The following LHFPL3 variants were observed in gnomAD, a reference collection of about 807,000 sequenced individuals.
LHFPL3 encodes LHFPL tetraspan subfamily member 3 protein.
In LHFPL3, 5 loss-of-function variants were observed where a neutral mutation model predicts 19.3. The observed-to-expected ratio is 0.26, with a 90% CI of 0.14 to 0.54. The LOEUF (loss-of-function observed/expected upper bound fraction) is 0.54, where lower values mean the gene tolerates loss of function less well. Ranked by LOEUF, LHFPL3 falls within the 20% of genes least tolerant of loss-of-function variation. The pLI is 0.94. For missense variants in LHFPL3, 249 were observed against 307.4 expected, an observed-to-expected ratio of 0.81 and a Z score of 1.42; for synonymous variants, 133 against 126.2, an observed-to-expected ratio of 1.05 and a Z score of -0.36.
intron 1 of LHFPL3, among the ~76,000 whole-genome samples, chr7:104,517,506 C>CTTTT (rs34506009): frequency 2.3e-5 from 3 of 129,380 alleles, no homozygotes; most frequent in African/African-American, 5.8e-5. Flanking sequence ...ATTGATTGGC[C>CTTTT]TTTTTTTTTT....
intron 1 of LHFPL3, among the ~76,000 whole-genome samples, chr7:104,689,815 T>G (rs1274752358): frequency 6.6e-6 from 1 of 152,140 alleles, no homozygotes. Flanking sequence ...AAGTTTTAGC[T>G]CAGGTCCAAC....
At chr7:104,724,303 T>G (rs1050093958) in intron 1 of LHFPL3, among the ~76,000 whole-genome samples, 1 of 152,170 alleles carries the variant, frequency 6.6e-6, no homozygotes, top group African/African-American at 2.4e-5. Flanking sequence ...TACTAAGCTT[T>G]TGGGGCGTTA....
chr7:104,403,457 A>G (rs1365609490), intron 1 of LHFPL3, among the ~76,000 whole-genome samples: 1 of 152,220 alleles, frequency 6.6e-6, no homozygotes, highest in African/African-American at 2.4e-5. Flanking sequence ...CACTGTGTAC[A>G]TAGTAGGCAC....
intron 1 of LHFPL3, among the ~76,000 whole-genome samples, chr7:104,549,936 C>A (rs1164284141): frequency 6.6e-6 from 1 of 152,214 alleles, no homozygotes; most frequent in Non-Finnish European, 1.5e-5. Context: ...TTAGTCAGGG[C>A]TCTCTAGAGG....
At chr7:104,480,127 C>CTTTGGAGGA (rs1268172213) in intron 1 of LHFPL3, among the ~76,000 whole-genome samples, 4 of 152,152 alleles carry the variant, frequency 2.6e-5, no homozygotes, top group Non-Finnish European at 4.4e-5. Flanking sequence ...TAGATCAGGA[C>CTTTGGAGGA]TTTGGAGGAA....
At chr7:104,719,807 AG>A (rs1346776789) in intron 1 of LHFPL3, among the ~76,000 whole-genome samples, 1 of 152,186 alleles carries the variant, frequency 6.6e-6, no homozygotes, top group Non-Finnish European at 1.5e-5. Context: ...AGATTCCAAA[AG>A]CATAGACTGC....
intron 2 of LHFPL3, among the ~76,000 whole-genome samples, chr7:104,881,419 TCTTGA>T (rs935766291): frequency 6.6e-6 from 1 of 152,132 alleles, no homozygotes; most frequent in Admixed American, 6.5e-5. Flanking sequence ...TGACTTTGAG[TCTTGA>T]CTTGATTTCA....
At chr7:104,512,452 G>A (rs1322838308) in intron 1 of LHFPL3, among the ~76,000 whole-genome samples, 3 of 151,536 alleles carry the variant, frequency 2.0e-5, no homozygotes, top group Non-Finnish European at 4.4e-5. Flanking sequence ...ATTAAAGTGG[G>A]ACACATGAGC....
intron 2 of LHFPL3, among the ~76,000 whole-genome samples, chr7:104,756,586 A>G (rs1208874173): frequency 6.6e-6 from 1 of 152,002 alleles, no homozygotes; most frequent in Non-Finnish European, 1.5e-5. Flanking sequence ...TGCAACCTCC[A>G]CCTCCCAGGT....
chr7:104,332,283 G>A (rs1024449535), intron 1 of LHFPL3, among the ~76,000 whole-genome samples: 1 of 139,396 alleles, frequency 7.2e-6, no homozygotes, highest in Non-Finnish European at 1.5e-5. Context: ...AGGCTGGAGT[G>A]CAGTGGTGTG....
At chr7:104,891,132 T>G (rs1459352073) in intron 2 of LHFPL3, among the ~76,000 whole-genome samples, 1 of 151,818 alleles carries the variant, frequency 6.6e-6, no homozygotes, top group Non-Finnish European at 1.5e-5. Flanking sequence ...AGGGTCTGTT[T>G]TGAATGGTTT....
At chr7:104,401,092 T>C (rs1345187398) in intron 1 of LHFPL3, among the ~76,000 whole-genome samples, 1 of 152,208 alleles carries the variant, frequency 6.6e-6, no homozygotes, top group Non-Finnish European at 1.5e-5. Context: ...GGGTGGCTCT[T>C]GGGTCACCTT....
intron 1 of LHFPL3, among the ~76,000 whole-genome samples, chr7:104,576,623 C>T (rs78851580): frequency 0.041 from 6,168 of 152,138 alleles, 405 homozygotes; most frequent in African/African-American, 0.14. Flanking sequence ...TCTGTCCTGT[C>T]TGAGAGAGTT....
chr7:104,459,499 G>T (rs1792615856), intron 1 of LHFPL3, among the ~76,000 whole-genome samples: 1 of 152,180 alleles, frequency 6.6e-6, no homozygotes, highest in South Asian at 2.1e-4. Flanking sequence ...CTGCTGCCAT[G>T]GACCATCCAA....
intron 1 of LHFPL3, among the ~76,000 whole-genome samples, chr7:104,401,814 C>A (rs758133658): frequency 6.6e-6 from 1 of 152,018 alleles, no homozygotes; most frequent in East Asian, 1.9e-4. Context: ...GATGTTTGAG[C>A]GGCTCAGCCG....
At chr7:104,782,294 C>T (rs73714122) in intron 2 of LHFPL3, among the ~76,000 whole-genome samples, 225 of 152,296 alleles carry the variant, frequency 1.5e-3, no homozygotes, top group African/African-American at 5.1e-3. Flanking sequence ...AACAAGTGCT[C>T]CAAGAGAAAG....
chr7:104,703,491 A>T (rs1475038674), intron 1 of LHFPL3, among the ~76,000 whole-genome samples: 2 of 152,210 alleles, frequency 1.3e-5, no homozygotes, highest in Non-Finnish European at 2.9e-5. Context: ...CATGGATATC[A>T]TCTTTTGTCA....
chr7:104,648,681 C>T (rs1791974069), intron 1 of LHFPL3, among the ~76,000 whole-genome samples: 1 of 152,142 alleles, frequency 6.6e-6, no homozygotes, highest in Non-Finnish European at 1.5e-5. Context: ...GCTTACTTTA[C>T]ACCCAGCACT....
At chr7:104,577,316 G>T (rs754436890) in intron 1 of LHFPL3, among the ~76,000 whole-genome samples, 1 of 152,150 alleles carries the variant, frequency 6.6e-6, no homozygotes, top group African/African-American at 2.4e-5. Flanking sequence ...GCAGGTGAGG[G>T]CATGGGAGAA....
Sources: gnomAD v4.1 joint callset for allele counts (sites outside exome capture counted in the v4.1 genomes callset) on GRCh38, gnomAD v4.1.1 for gene constraint, MANE v1.5 for transcripts, NCBI Gene and HGNC (gene_info 2026-07-23, HGNC 2026-07-21) for gene names.